Variants in CDK8 observed in about 807,000 individuals in gnomAD.
CDK8 encodes cyclin-dependent kinase 8.
CDK8 carries 29 observed loss-of-function variants against 71.5 expected under a neutral mutation model. That is an observed-to-expected ratio of 0.41 (90% CI 0.30 to 0.55). The LOEUF (loss-of-function observed/expected upper bound fraction) is 0.55, where lower values mean the gene tolerates loss of function less well. Among genes scored for constraint, CDK8 ranks in the 20% least tolerant of loss-of-function variants. CDK8 has a pLI of 0.37. For synonymous variants in CDK8, 161 were observed against 192.1 expected (o/e 0.84, Z 1.34); for missense variants, 288 against 572.6 (o/e 0.50, Z 5.07).
rs770441977 is a variant in CDK8, at chr13:26,349,099, G to A, written c.232G>A (p.Val78Ile). Residue 78 changes from valine to isoleucine, a missense_variant, in exon 3 of 13, where the codon GTC (valine) becomes ATC (isoleucine). By Grantham distance (29) the Val-to-Ile change is conservative. Transcript: ENST00000381527. ...ACTTCGAGAGCTTAAGCATCCAAAC[G>A]TCATTTCTCTTCAAAAGGTGTTTCT... is the stretch of plus-strand genomic sequence containing the variant. ...ALLRELKHPN[V>I]ISLQKVFLSH... is the part of the protein sequence containing the mutation. The A allele has an allele frequency of 1.9e-6, 3 of 1,612,316 alleles. No homozygotes were observed. The highest frequency in any genetic ancestry group is 2.7e-5 in the African/African-American group (2 of 74,876).
At chr13:26,379,159 A>C (rs565555110) in intron 4 of CDK8, among the ~76,000 whole-genome samples, 1 of 152,340 alleles carries the variant, frequency 6.6e-6, no homozygotes, top group Admixed American at 6.5e-5. Context: ...GGAGGGACCC[A>C]TCATTTCTAA....
intron 1 of CDK8, among the ~76,000 whole-genome samples, chr13:26,266,927 A>T (rs1473942896): frequency 6.6e-6 from 1 of 152,184 alleles, no homozygotes; most frequent in Non-Finnish European, 1.5e-5. Context: ...GATGAATTCA[A>T]GTAGTCCAGA....
intron 1 of CDK8, among the ~76,000 whole-genome samples, chr13:26,291,044 A>G (rs571188836): frequency 1.3e-3 from 190 of 151,190 alleles, no homozygotes; most frequent in Middle Eastern, 3.4e-3. Flanking sequence ...GCTTGAACCC[A>G]GGAGGCAGAG....
chr13:26,296,109 T>C (rs1873549398), intron 1 of CDK8, among the ~76,000 whole-genome samples: 1 of 152,222 alleles, frequency 6.6e-6, no homozygotes, highest in Non-Finnish European at 1.5e-5. Context: ...AAATTGATTC[T>C]ATCCCATCCG....
chr13:26,346,060 C>T (rs1873450427), intron 2 of CDK8, among the ~76,000 whole-genome samples: 1 of 152,142 alleles, frequency 6.6e-6, no homozygotes. Flanking sequence ...TGGTATTAGA[C>T]CATAGTAGTT....
At chr13:26,353,922 A>G (rs1453334689) in intron 4 of CDK8, 42 bp downstream of exon 4, 1 of 1,562,516 alleles carries the variant, frequency 6.4e-7, no homozygotes, top group Admixed American at 1.7e-5. Flanking sequence ...AAGATGCATT[A>G]CAGTTGGATA....
At chr13:26,307,764 TATCCC>T (rs1454918351) in intron 1 of CDK8, among the ~76,000 whole-genome samples, 3 of 152,238 alleles carry the variant, frequency 2.0e-5, no homozygotes, top group Admixed American at 1.3e-4. Context: ...TAGATGTATG[TATCCC>T]TAAAAGACAT....
chr13:26,336,496 C>G (rs1872988878), intron 1 of CDK8, among the ~76,000 whole-genome samples: 1 of 150,058 alleles, frequency 6.7e-6, no homozygotes, highest in African/African-American at 2.5e-5. Context: ...GTTCTGGGAC[C>G]AAAAGGTTTG....
rs114749417 is a variant in CDK8 at position 26,363,851 on chromosome 13, T to A, written c.456+9971T>A. Among the ~76,000 whole-genome samples, 973 of 152,272 alleles carry A rather than the reference T, an allele frequency of 6.4e-3. 10 individuals are homozygous for A. Among genetic ancestry groups the A allele is most frequent in the African/African-American group, 0.021 (870 of 41,556 alleles). ...AGGGAGCCATTGACTCAAACTCAGTTTCATAGGGCACACTTTATCAAGGCA... is the reference window on the plus strand; with the variant it reads ...AGGGAGCCATTGACTCAAACTCAGTATCATAGGGCACACTTTATCAAGGCA... On this transcript the variant is annotated intron_variant, in intron 4 of 12. Transcript: ENST00000381527.
chr13:26,325,916 T>A (rs1251208851), intron 1 of CDK8, among the ~76,000 whole-genome samples: 3 of 152,178 alleles, frequency 2.0e-5, no homozygotes, highest in Non-Finnish European at 4.4e-5. Context: ...TGAAGTCAGT[T>A]CTTCATGTAT....
chr13:26,300,264 T>C (rs1873766942), intron 1 of CDK8, among the ~76,000 whole-genome samples: 2 of 152,102 alleles, frequency 1.3e-5, no homozygotes, highest in African/African-American at 4.8e-5. Context: ...AAACTATTAA[T>C]ATATTTTTTT....
At chr13:26,361,716 A>G (rs933072222) in intron 4 of CDK8, among the ~76,000 whole-genome samples, 2 of 147,368 alleles carry the variant, frequency 1.4e-5, no homozygotes, top group African/African-American at 5.0e-5. Flanking sequence ...TTTCTAGCTT[A>G]TAGTTGCTCA....
intron 1 of CDK8, among the ~76,000 whole-genome samples, chr13:26,283,385 G>A (rs1026549908): frequency 2.0e-4 from 31 of 152,062 alleles, no homozygotes; most frequent in African/African-American, 7.0e-4. Flanking sequence ...CGAGGCGGGC[G>A]GATCACAAGG....
intron 3 of CDK8, 78 bp from the exon 4 acceptor site, chr13:26,353,662 T>G: frequency 1.7e-6 from 2 of 1,181,134 alleles, no homozygotes; most frequent in Non-Finnish European, 2.4e-6. Flanking sequence ...TGTTTCTTTT[T>G]CTGTTAGGAA....
intron 7 of CDK8, among the ~76,000 whole-genome samples, chr13:26,394,080 C>T (rs1043025303): frequency 2.0e-5 from 3 of 152,140 alleles, no homozygotes; most frequent in African/African-American, 4.8e-5. Flanking sequence ...TTACATGTAT[C>T]CTATCCCTGG....
intron 1 of CDK8, among the ~76,000 whole-genome samples, chr13:26,329,483 G>GTTTTTTTTTTTTTTTTTTTTTTTTTTTT (rs543441898): frequency 3.1e-5 from 4 of 128,494 alleles, no homozygotes; most frequent in Admixed American, 1.6e-4. Flanking sequence ...TTTTTTTTTT[G>GTTTTTTTTTTTTTTTTTTTTTTTTTTTT]TTTTTTTTTT....
intron 1 of CDK8, among the ~76,000 whole-genome samples, chr13:26,296,731 G>A (rs1248597936): frequency 6.6e-6 from 1 of 152,176 alleles, no homozygotes; most frequent in Non-Finnish European, 1.5e-5. Flanking sequence ...TCCAGTGCCA[G>A]GTAATCAAAT....
chr13:26,316,179 C>A lies in CDK8; in HGVS notation c.129-21388C>A, dbSNP rs571996968. Among the ~76,000 whole-genome samples the A allele has an allele frequency of 2.7e-4, 41 of 152,094 alleles. 1 individual carries two copies. Among genetic ancestry groups the A allele is most frequent in the African/African-American group, 8.7e-4 (36 of 41,430 alleles). ...TTCTAGACCAGCCTGGGCAACATGG[C>A]AAAAGCCTGTCTCTACAGAAAATGT... On this transcript the variant is annotated intron_variant, in intron 1 of 12. Coordinates refer to ENST00000381527, the MANE Select transcript of CDK8 (RefSeq NM_001260.3).
chr13:26,353,176 T>A (rs1873752328), intron 3 of CDK8, among the ~76,000 whole-genome samples: 1 of 152,234 alleles, frequency 6.6e-6, no homozygotes, highest in Admixed American at 6.5e-5. Context: ...CTAACAACAT[T>A]ATACATAGAA....
Sources: gnomAD v4.1 joint callset for allele counts (sites outside exome capture counted in the v4.1 genomes callset) on GRCh38, gnomAD v4.1.1 for gene constraint, MANE v1.5 for transcripts, NCBI Gene and HGNC (gene_info 2026-07-23, HGNC 2026-07-21) for gene names.